ENO1: variants seen among roughly 807,000 people sequenced by gnomAD.
ENO1 encodes enolase 1.
Under a neutral mutation model 46.3 loss-of-function variants are expected in ENO1, and 33 were observed. The observed-to-expected ratio is 0.71, with a 90% CI of 0.54 to 0.95. The LOEUF (loss-of-function observed/expected upper bound fraction) is 0.95. Ranked by LOEUF, ENO1 falls within the 40% of genes least tolerant of loss-of-function variation. The pLI, the probability that ENO1 is intolerant of heterozygous loss-of-function variation, is 0.00. For synonymous variants in ENO1, 220 were observed against 216.0 expected (o/e 1.02, Z -0.16); for missense variants, 488 against 553.3 (o/e 0.88, Z 1.18).
At chr1:8,869,290 CAG>C (rs1323634725) in intron 4 of ENO1, among the ~76,000 whole-genome samples, 2 of 149,094 alleles carry the variant, frequency 1.3e-5, no homozygotes, top group Non-Finnish European at 2.9e-5. Context: ...TATGAAGGGA[CAG>C]AGAACAAGGT....
At chr1:8,874,676 C>G (rs1306609236) in intron 2 of ENO1, 148 bp downstream of exon 2, 3 of 513,102 alleles carry the variant, frequency 5.8e-6, no homozygotes, top group Non-Finnish European at 1.0e-5. Context: ...CCAACCCTCA[C>G]AGTCAGGAAT....
chr1:8,877,103 G>A (rs1557589240), intron 1 of ENO1, among the ~76,000 whole-genome samples: 2 of 152,000 alleles, frequency 1.3e-5, no homozygotes, highest in Non-Finnish European at 1.5e-5. Flanking sequence ...GACTACAGGC[G>A]CCCACCACCA....
At chr1:8,870,321 C>T (rs557241929) in intron 4 of ENO1, 131 bp downstream of exon 4, 33 of 1,166,682 alleles carry the variant, frequency 2.8e-5, no homozygotes, top group African/African-American at 7.7e-5. Flanking sequence ...GGATTGTTCT[C>T]GTGCGTGACA....
intron 3 of ENO1, chr1:8,871,574 G>A: frequency 9.1e-7 from 1 of 1,099,656 alleles, no homozygotes; most frequent in Non-Finnish European, 1.1e-6. Flanking sequence ...CTTTTCTTTA[G>A]TTAACAGGCC....
intron 4 of ENO1, 99 bp downstream of exon 4, chr1:8,870,353 A>C: frequency 6.8e-7 from 1 of 1,470,550 alleles, no homozygotes; most frequent in Non-Finnish European, 9.4e-7. Context: ...AGGCTTCTAC[A>C]GCTCTCAGAA....
intron 1 of ENO1, chr1:8,875,640 A>G (rs1260967960): frequency 6.6e-6 from 1 of 152,248 alleles, no homozygotes; most frequent in Non-Finnish European, 1.5e-5. Context: ...TTGATCAGAA[A>G]TTCTGAGTTT....
chr1:8,870,472 C>T lies in ENO1; in HGVS notation c.220G>A (p.Ala74Thr). The T allele has an allele frequency of 6.2e-7, 1 of 1,614,128 alleles. No homozygotes were observed. The highest frequency in any genetic ancestry group is 8.5e-7 in the Non-Finnish European group (1 of 1,180,024). Residue 74 changes from alanine to threonine, a missense_variant, in exon 4 of 12, where the codon GCG becomes ACG. Coordinates refer to ENST00000234590, the MANE Select transcript of ENO1 (RefSeq NM_001428.5). Reference protein sequence around the residue: ...KAVEHINKTIAPALVSKKLNV... With the variant: ...KAVEHINKTITPALVSKKLNV... ...CCTACCTTGCTAACCAGGGCAGGCG[C>T]AATAGTTTTATTGATGTGCTCAACA...
chr1:8,875,556 G>A (rs563307036), intron 1 of ENO1, among the ~76,000 whole-genome samples: 1 of 152,316 alleles, frequency 6.6e-6, no homozygotes, highest in African/African-American at 2.4e-5. Context: ...AACCTTGCTT[G>A]TAGCAGAATT....
chr1:8,878,509 GA>G, intron 1 of ENO1, 70 bp downstream of exon 1: 1 of 423,546 alleles, frequency 2.4e-6, no homozygotes, highest in Non-Finnish European at 4.8e-6. Context: ...CCCTCGGAGG[GA>G]AAAGAGCCCC....
At chr1:8,863,773 A>C in intron 9 of ENO1, 118 bp downstream of exon 9, 1 of 1,193,986 alleles carries the variant, frequency 8.4e-7, no homozygotes. Context: ...AACCTGTTAA[A>C]ATTCCAGCGA....
chr1:8,862,272 C>G (rs939117052), intron 11 of ENO1, among the ~76,000 whole-genome samples: 1 of 152,048 alleles, frequency 6.6e-6, no homozygotes, highest in South Asian at 2.1e-4. Flanking sequence ...ACAAACAAAA[C>G]AACAAAAAAG....
chr1:8,870,584 C>A (rs1188288851), intron 3 of ENO1, 74 bp from the exon 4 acceptor site: 11 of 1,603,500 alleles, frequency 6.9e-6, no homozygotes, highest in Non-Finnish European at 9.4e-6. Flanking sequence ...TAGAGAGAAC[C>A]ACTGTTGAGG....
At chr1:8,873,856 C>T (rs147263691) in intron 2 of ENO1, 1 of 152,384 alleles carries the variant, frequency 6.6e-6, no homozygotes, top group Admixed American at 6.5e-5. Context: ...TTGCCAACCT[C>T]ACCCACTCTG....
At chr1:8,877,813 T>C (rs966934283) in intron 1 of ENO1, 1 of 151,536 alleles carries the variant, frequency 6.6e-6, no homozygotes, top group Non-Finnish European at 1.5e-5. Context: ...AGGCCGAGGT[T>C]GCGGTGAACC....
chr1:8,871,824 G>C (rs1642639709), intron 3 of ENO1, 67 bp downstream of exon 3: 1 of 1,547,762 alleles, frequency 6.5e-7, no homozygotes, highest in Admixed American at 1.7e-5. Context: ...AGAGAGGACA[G>C]GACTGGGCAA....
intron 3 of ENO1, chr1:8,870,926 G>C: frequency 8.0e-7 from 1 of 1,256,202 alleles, no homozygotes; most frequent in East Asian, 2.9e-5. Flanking sequence ...GAGAGACTCA[G>C]AAGAGAACCG....
chr1:8,872,639 T>C (rs923550394), intron 2 of ENO1, among the ~76,000 whole-genome samples: 4 of 152,156 alleles, frequency 2.6e-5, no homozygotes, highest in Non-Finnish European at 5.9e-5. Context: ...CACCTCGGCC[T>C]CCCAAAATGC....
chr1:8,869,861 G>A (rs1048699901), intron 4 of ENO1, among the ~76,000 whole-genome samples: 4 of 152,268 alleles, frequency 2.6e-5, no homozygotes, highest in South Asian at 2.1e-4. Flanking sequence ...CACCTGGCCC[G>A]GAGTGTTTTT....
chr1:8,872,387 C>CTTT (rs111671523), intron 2 of ENO1, among the ~76,000 whole-genome samples: 2,079 of 150,606 alleles, frequency 0.014, 50 homozygotes, highest in African/African-American at 0.048. Context: ...CGTTCTGGTA[C>CTTT]TTTTTTTTTC....
Sources: allele counts gnomAD v4.1 joint callset (sites outside exome capture counted in the v4.1 genomes callset), GRCh38; gene constraint gnomAD v4.1.1; transcripts MANE v1.5; gene names NCBI Gene and HGNC (gene_info 2026-07-23, HGNC 2026-07-21).